PATJ: variants seen among roughly 807,000 people sequenced by gnomAD.
PATJ encodes the protein inaD-like protein.
In PATJ, 190 loss-of-function variants were observed where a neutral mutation model predicts 224.9. That is an observed-to-expected ratio of 0.84 (90% CI 0.75 to 0.95). The LOEUF (loss-of-function observed/expected upper bound fraction) is 0.95. Among genes scored for constraint, PATJ ranks in the 40% least tolerant of loss-of-function variants. The pLI, the probability that PATJ is intolerant of heterozygous loss-of-function variation, is 0.00. For missense variants in PATJ, 2,121 were observed against 2,270.3 expected (o/e 0.93, Z 1.34); for synonymous variants, 769 against 820.3 (o/e 0.94, Z 1.07).
intron 1 of PATJ, among the ~76,000 whole-genome samples, chr1:61,761,202 C>T (rs1211781410): frequency 1.3e-5 from 2 of 152,092 alleles, no homozygotes; most frequent in African/African-American, 4.8e-5. Context: ...GTCTCAAACT[C>T]CTGGATTCAA....
intron 28 of PATJ, among the ~76,000 whole-genome samples, chr1:62,015,210 G>A (rs1558042516): frequency 1.3e-5 from 2 of 151,702 alleles, no homozygotes; most frequent in South Asian, 4.2e-4. Flanking sequence ...AGGCTGAGGC[G>A]GGAGAATTGC....
intron 27 of PATJ, among the ~76,000 whole-genome samples, chr1:61,935,982 G>T (rs970509659): frequency 6.6e-6 from 1 of 151,752 alleles, no homozygotes; most frequent in African/African-American, 2.4e-5. Context: ...TCTTTTTTAA[G>T]CTTAGAAGGG....
rs376723381 is a variant in PATJ, at chr1:62,146,646, G to A, written c.5272-1638G>A. Among the ~76,000 whole-genome samples, 113 of 152,020 alleles carry A rather than the reference G, an allele frequency of 7.4e-4. No homozygotes were observed. In the South Asian group the frequency reaches 9.2e-3, roughly 12 times the overall value. On this transcript the variant is annotated intron_variant, in intron 41 of 43. Coordinates refer to ENST00000642238, the MANE Select transcript of PATJ (RefSeq NM_001350145.3). ...AAAAAAATTAGCCAGGCGTGGTGGC[G>A]GGTGCCTGTAATCCCAGCTACTCGG...
chr1:62,134,656 T>C (rs1195949914), intron 41 of PATJ, among the ~76,000 whole-genome samples: 1 of 152,150 alleles, frequency 6.6e-6, no homozygotes, highest in Non-Finnish European at 1.5e-5. Flanking sequence ...CTTTTCTTTA[T>C]AAATATTGGA....
intron 27 of PATJ, among the ~76,000 whole-genome samples, chr1:61,975,469 G>C (rs1332303275): frequency 6.6e-6 from 1 of 151,918 alleles, no homozygotes; most frequent in Admixed American, 6.6e-5. Flanking sequence ...TTTTTTAATA[G>C]ATAAATGGAG....
At chr1:62,099,263 T>A (rs1661808250) in intron 33 of PATJ, among the ~76,000 whole-genome samples, 1 of 150,440 alleles carries the variant, frequency 6.6e-6, no homozygotes, top group Non-Finnish European at 1.5e-5. Flanking sequence ...AAAAGCTACA[T>A]CCTTCCTCCA....
In PATJ at chr1:61,910,536, C is replaced by CTTTTTTTTTTTT. The variant is rs71050181; in HGVS notation, c.3492+2071_3492+2082dup. On this transcript the variant is annotated intron_variant, in intron 25 of 43. Coordinates refer to ENST00000642238, the MANE Select transcript of PATJ (RefSeq NM_001350145.3). ...ACTTTGTTTATAGGGCAAAGTGACT[C>CTTTTTTTTTTTT]TTTTTTTTTTTTTTTTTTTTTTTTT... 2.8e-4 allele frequency among the ~76,000 whole-genome samples: 12 copies of CTTTTTTTTTTTT among 42,268 alleles called. 3 individuals carry two copies. The highest frequency in any genetic ancestry group is 2.6e-4 in the Non-Finnish European group (6 of 23,528). 27.7% of individuals were successfully genotyped at this position (42,268 alleles called of 152,430 possible).
In PATJ at chr1:61,763,189, C is replaced by A; in HGVS notation, c.189+10C>A. ...GCAACTGAAGGGTCAAGTAAGTTAC[C>A]CATCAGAGTTTTACATTAATATATT... On this transcript the variant is annotated intron_variant, in intron 3 of 43. Coordinates refer to ENST00000642238, the MANE Select transcript of PATJ (RefSeq NM_001350145.3). The A allele has an allele frequency of 6.6e-7, 1 of 1,512,696 alleles. No individual in the cohort carries two copies. Among genetic ancestry groups the A allele is most frequent in the Non-Finnish European group, 8.9e-7 (1 of 1,122,832 alleles). 93.7% of individuals were successfully genotyped at this position (1,512,696 alleles called of 1,614,324 possible). A position where few individuals can be genotyped will look rare whatever the true frequency, so the allele number is the denominator to read the frequency against.
chr1:62,083,809 G>GTATTTA (rs1341766327), intron 32 of PATJ, among the ~76,000 whole-genome samples: 1 of 152,104 alleles, frequency 6.6e-6, no homozygotes, highest in East Asian at 1.9e-4. Context: ...CTAATTGAAA[G>GTATTTA]TATTTAGGCA....
Position 62,162,902 on chromosome 1 carries a change from G to A in PATJ, c.*1848G>A, listed in dbSNP as rs1159863120. On this transcript the variant is annotated 3_prime_UTR_variant, in exon 44 of 44. Transcript: ENST00000642238. ...GTGGAGGTTGCAGTGAGCCAAGTTC[G>A]TGCCACTCCACTCCAGCCTGGGTGA... 8.4e-6 allele frequency: 3 copies of A among 358,020 alleles called. No individual in the cohort carries two copies. Among genetic ancestry groups the A allele is most frequent in the East Asian group, 1.1e-4 (1 of 9,328 alleles). 22.2% of individuals were successfully genotyped at this position (358,020 alleles called of 1,614,324 possible). A position where few individuals can be genotyped will look rare whatever the true frequency, so the allele number is the denominator to read the frequency against.
chr1:61,793,213 A>G (rs1196038665), intron 9 of PATJ, among the ~76,000 whole-genome samples: 2 of 152,164 alleles, frequency 1.3e-5, no homozygotes, highest in African/African-American at 2.4e-5. Flanking sequence ...AGCTGGGACT[A>G]TGGGTGCGCA....
chr1:61,872,115 A>G (rs1666722663), intron 20 of PATJ, among the ~76,000 whole-genome samples: 1 of 151,800 alleles, frequency 6.6e-6, no homozygotes, highest in African/African-American at 2.4e-5. Flanking sequence ...ATTACCATTA[A>G]CTTTGTTTAA....
Position 62,161,258 on chromosome 1 carries a change from C to T in PATJ, c.*204C>T. 2.5e-6 allele frequency: 1 copy of T among 402,574 alleles called. No homozygotes were observed. The highest frequency in any genetic ancestry group is 4.3e-6 in the Non-Finnish European group (1 of 230,812). 24.9% of individuals were successfully genotyped at this position (402,574 alleles called of 1,614,324 possible). ...TCCTAATGTTTCCCAGTTCCTGTCA[C>T]CTGTTGGCGAGGTTGATTTCTAAAA... On this transcript the variant is annotated 3_prime_UTR_variant, in exon 44 of 44. Transcript: ENST00000642238.
chr1:62,148,385 C>A lies in PATJ; in HGVS notation c.5373C>A (p.Asp1791Glu). ...GSPTAEHHPE[D>E]TETPPPKIIT... ...CCACTGCTGAACACCATCCAGAAGA[C>A]ACAGAGTGAGTATTTCAGATGCAGA... The change falls in exon 42 of 44, where the codon GAC becomes GAA. Residue 1791 changes from aspartate to glutamate, a missense_variant. Coordinates refer to ENST00000642238, the MANE Select transcript of PATJ (RefSeq NM_001350145.3). The A allele has an allele frequency of 4.4e-6, 7 of 1,608,856 alleles. No individual in the cohort carries two copies. The highest frequency in any genetic ancestry group is 6.0e-6 in the Non-Finnish European group (7 of 1,175,262).
chr1:62,104,372 A>T (rs1365257383), intron 33 of PATJ, among the ~76,000 whole-genome samples: 2 of 151,908 alleles, frequency 1.3e-5, no homozygotes, highest in East Asian at 3.9e-4. Context: ...CTTCTGTTCC[A>T]CTCTCTGAAT....
chr1:62,067,123 C>CTTTTTTTTTTTTTTTTTTTTTTTTTTTT lies in PATJ; in HGVS notation c.4126-12306_4126-12305insTTTTTTTTTTTTTTTTTTTTTTTTTTTT, dbSNP rs11381578. Reference sequence around the variant, plus strand: ...GCCCCTCTCATAATTCCTATTCTTTCTTTTTTTTTTTTTTTTTTTTTGAGA... The same window carrying CTTTTTTTTTTTTTTTTTTTTTTTTTTTT: ...GCCCCTCTCATAATTCCTATTCTTTCTTTTTTTTTTTTTTTTTTTTTTTTTTTTTTTTTTTTTTTTTTTTTTTTTGAGA... On this transcript the variant is annotated intron_variant, in intron 31 of 43. Transcript: ENST00000642238. Among the ~76,000 whole-genome samples the CTTTTTTTTTTTTTTTTTTTTTTTTTTTT allele has an allele frequency of 1.7e-4, 20 of 116,450 alleles. 1 individual carries two copies. The highest frequency in any genetic ancestry group is 1.6e-4 in the African/African-American group (5 of 31,428). 76.4% of individuals were successfully genotyped at this position (116,450 alleles called of 152,430 possible). A position where few individuals can be genotyped will look rare whatever the true frequency, so the allele number is the denominator to read the frequency against.
At chr1:61,978,623 A>G (rs1473565892) in intron 27 of PATJ, among the ~76,000 whole-genome samples, 1 of 152,064 alleles carries the variant, frequency 6.6e-6, no homozygotes, top group East Asian at 1.9e-4. Flanking sequence ...TCTTAAATCT[A>G]AAAGTACTAA....
At chr1:61,792,306 A>G (rs1333716247) in intron 9 of PATJ, among the ~76,000 whole-genome samples, 2 of 152,194 alleles carry the variant, frequency 1.3e-5, no homozygotes, top group African/African-American at 4.8e-5. Flanking sequence ...GAATTTAATG[A>G]CATTCAAAAG....
chr1:61,825,021 A>C (rs917664682), intron 15 of PATJ, among the ~76,000 whole-genome samples: 1 of 152,204 alleles, frequency 6.6e-6, no homozygotes, highest in Admixed American at 6.5e-5. Flanking sequence ...CAGAAAAGCC[A>C]CTTTTGGTCT....
Sources: gnomAD v4.1 joint callset for allele counts (sites outside exome capture counted in the v4.1 genomes callset) on GRCh38, gnomAD v4.1.1 for gene constraint, MANE v1.5 for transcripts, NCBI Gene and HGNC (gene_info 2026-07-23, HGNC 2026-07-21) for gene names.